BLMH: variants seen among roughly 807,000 people sequenced by gnomAD.
The protein encoded by BLMH is bleomycin hydrolase, also known as BLM hydrolase.
BLMH carries 32 observed loss-of-function variants against 61.6 expected under a neutral mutation model. The observed-to-expected ratio is 0.52, with a 90% CI of 0.39 to 0.70. The LOEUF is 0.70. Ranked by LOEUF, BLMH falls within the 30% of genes least tolerant of loss-of-function variation. BLMH has a pLI of 0.00. For missense variants in BLMH, 460 were observed against 555.5 expected (o/e 0.83, Z 1.73); for synonymous variants, 183 against 193.8 (o/e 0.94, Z 0.46).
In BLMH at chr17:30,287,921, A is replaced by T; in HGVS notation, c.348T>A (p.Ser116Arg). ...DKVERCYFFL[S>R]AFVDTAQRKE... is the part of the protein sequence containing the mutation. ...TTCTCTGGGCTGTGTCCACAAAAGCACTCAAGAAGAAATAACAGCGTTCAA... is the reference window on the plus strand; with the variant it reads ...TTCTCTGGGCTGTGTCCACAAAAGCTCTCAAGAAGAAATAACAGCGTTCAA... The change falls in exon 4 of 12, where the codon AGT (serine) becomes AGA (arginine). Residue 116 changes from serine (S) to arginine (R), a missense_variant. Physicochemically the swap from Ser to Arg is moderately radical, Grantham distance 110. Transcript: ENST00000261714. 6.2e-7 allele frequency: 1 copy of T among 1,614,014 alleles called. No homozygotes were observed. The highest frequency in any genetic ancestry group is 8.5e-7 in the Non-Finnish European group (1 of 1,179,916).
At chr17:30,289,984 A>AACAC (rs369960675) in intron 2 of BLMH, among the ~76,000 whole-genome samples, 1 of 151,472 alleles carries the variant, frequency 6.6e-6, no homozygotes, top group Non-Finnish European at 1.5e-5. Context: ...AACACTATTA[A>AACAC]ACACACACAC....
intron 6 of BLMH, among the ~76,000 whole-genome samples, chr17:30,283,995 A>C (rs1018780628): frequency 6.6e-6 from 1 of 152,188 alleles, no homozygotes; most frequent in African/African-American, 2.4e-5. Context: ...AAATCCAATA[A>C]GGAAAATATT....
At chr17:30,258,138 T>C (rs1907864083) in intron 11 of BLMH, among the ~76,000 whole-genome samples, 1 of 151,972 alleles carries the variant, frequency 6.6e-6, no homozygotes, top group African/African-American at 2.4e-5. Flanking sequence ...TGGCGAGCTA[T>C]TTTGTCTGTT....
intron 6 of BLMH, among the ~76,000 whole-genome samples, chr17:30,275,217 CAAAAAT>C (rs1908385580): frequency 6.6e-6 from 1 of 151,060 alleles, no homozygotes; most frequent in South Asian, 2.1e-4. Flanking sequence ...GACCCTGTCT[CAAAAAT>C]AAAAAGAAGA....
intron 6 of BLMH, among the ~76,000 whole-genome samples, chr17:30,280,145 A>G (rs1908548185): frequency 6.6e-6 from 1 of 152,222 alleles, no homozygotes; most frequent in South Asian, 2.1e-4. Flanking sequence ...TAGTTCGAAG[A>G]TAACAACCAA....
At chr17:30,291,124 A>C in intron 2 of BLMH, 187 bp downstream of exon 2, 1 of 670,006 alleles carries the variant, frequency 1.5e-6, no homozygotes, top group South Asian at 1.9e-5. Flanking sequence ...ATGTACTAAC[A>C]AGCCACAGAA....
At chr17:30,281,477 T>C (rs1353905751) in intron 6 of BLMH, among the ~76,000 whole-genome samples, 1 of 152,092 alleles carries the variant, frequency 6.6e-6, no homozygotes. Context: ...AATTATTACT[T>C]CTCTCATTCA....
At chr17:30,283,720 C>T (rs187521852) in intron 6 of BLMH, among the ~76,000 whole-genome samples, 1 of 152,114 alleles carries the variant, frequency 6.6e-6, no homozygotes, top group Non-Finnish European at 1.5e-5. Context: ...CGGGGTTTCA[C>T]CATGTTGGTC....
At chr17:30,268,778 T>C (rs1908181645) in intron 10 of BLMH, among the ~76,000 whole-genome samples, 1 of 151,662 alleles carries the variant, frequency 6.6e-6, no homozygotes, top group East Asian at 1.9e-4. Context: ...GGCTCATGCC[T>C]GTAATCCCAG....
intron 10 of BLMH, among the ~76,000 whole-genome samples, chr17:30,269,504 T>A (rs780511175): frequency 3.7e-4 from 57 of 152,284 alleles, no homozygotes; most frequent in African/African-American, 1.1e-3. Context: ...ATAACCTAAC[T>A]TTATGTTTTG....
chr17:30,273,980 T>A, intron 7 of BLMH, 62 bp downstream of exon 7: 1 of 1,576,766 alleles, frequency 6.3e-7, no homozygotes, highest in African/African-American at 1.4e-5. Flanking sequence ...CTTATACAAT[T>A]CCCTGTGGTT....
chr17:30,273,860 A>T, intron 7 of BLMH, 182 bp downstream of exon 7: 1 of 712,932 alleles, frequency 1.4e-6, no homozygotes, highest in Non-Finnish European at 2.3e-6. Flanking sequence ...GGAAAAGCTG[A>T]TAAATCCTGG....
chr17:30,263,635 C>T (rs969582353), intron 11 of BLMH, among the ~76,000 whole-genome samples: 1 of 152,192 alleles, frequency 6.6e-6, no homozygotes, highest in African/African-American at 2.4e-5. Flanking sequence ...CTTTTATGTC[C>T]TCCTGCTCAG....
At position 30,272,630 on chromosome 17, in the gene BLMH, T is replaced by C; in HGVS notation, c.961-2A>G. ...AACATCACAGCCAAACCACACAGCC[T>C]AGAAACAGAAGAAAGAGGAAGAAAG... On this transcript the variant is annotated splice_acceptor_variant, in intron 8 of 11. Coordinates refer to ENST00000261714, the MANE Select transcript of BLMH (RefSeq NM_000386.4). LOFTEE classifies it high-confidence loss of function. The C allele has an allele frequency of 6.2e-7, 1 of 1,614,066 alleles. No individual in the cohort carries two copies. Among genetic ancestry groups the C allele is most frequent in the South Asian group, 1.1e-5 (1 of 91,078 alleles).
intron 1 of BLMH, 94 bp from the exon 2 acceptor site, chr17:30,291,602 C>T (rs771954218): frequency 1.0e-5 from 15 of 1,500,274 alleles, no homozygotes; most frequent in Non-Finnish European, 1.3e-5. Context: ...GTAAGCGCAT[C>T]CTGGGGTGCC....
chr17:30,285,684 T>C, intron 5 of BLMH: 1 of 434,786 alleles, frequency 2.3e-6, no homozygotes, highest in East Asian at 3.8e-5. Context: ...AGGCATAAGT[T>C]ACTCCTCCAA....
rs1908907700 is a variant in BLMH at position 30,291,920 on chromosome 17, C to T, written c.-101G>A. On this transcript the variant is annotated 5_prime_UTR_variant, in exon 1 of 12. Transcript: ENST00000261714. ...GCTGCCTAGGGGGCCCGACCTGTCTCTCGCACCCGGAGCGCCGGAAAAAGG... is the reference window on the plus strand; with the variant it reads ...GCTGCCTAGGGGGCCCGACCTGTCTTTCGCACCCGGAGCGCCGGAAAAAGG... 2.4e-6 allele frequency: 3 copies of T among 1,224,678 alleles called. No individual in the cohort carries two copies. The highest frequency in any genetic ancestry group is 2.1e-4 in the Middle Eastern group (1 of 4,756). The allele number at this position is 1,224,678 out of a possible 1,614,324, so 75.9% of individuals were successfully genotyped here.
At chr17:30,290,552 C>T (rs374889249) in intron 2 of BLMH, among the ~76,000 whole-genome samples, 2 of 152,126 alleles carry the variant, frequency 1.3e-5, no homozygotes, top group Admixed American at 6.5e-5. Context: ...GAGTTCTAAC[C>T]GACTCTAAAC....
In BLMH at chr17:30,271,085, C is replaced by G. The variant is rs148509137; in HGVS notation, c.1146+186G>C. On this transcript the variant is annotated intron_variant, in intron 10 of 11. Coordinates refer to ENST00000261714, the MANE Select transcript of BLMH (RefSeq NM_000386.4). ...CCCAAATTCTCCTCATAGAAAGTTC[C>G]TATTTTTATATTACCTCTAAGCACG... Among the ~76,000 whole-genome samples, 835 of 152,288 alleles carry G rather than the reference C, an allele frequency of 5.5e-3. 11 individuals carry two copies. The highest frequency in any genetic ancestry group is 0.018 in the African/African-American group (762 of 41,558).
Sources: gnomAD v4.1 joint callset for allele counts (sites outside exome capture counted in the v4.1 genomes callset) on GRCh38, gnomAD v4.1.1 for gene constraint, MANE v1.5 for transcripts, NCBI Gene and HGNC (gene_info 2026-07-23, HGNC 2026-07-21) for gene names.